ZNF525: variants seen among roughly 807,000 people sequenced by gnomAD.
ZNF525 encodes zinc finger protein 525.
In ZNF525, 33 loss-of-function variants were observed where a neutral mutation model predicts 37.6. That is an observed-to-expected ratio of 0.88 (90% CI 0.67 to 1.17). The LOEUF is 1.17. Ranked by LOEUF, ZNF525 falls within the 50% of genes most tolerant of loss-of-function variation. The pLI is 0.00. For synonymous variants in ZNF525, 170 were observed against 182.3 expected (o/e 0.93, Z 0.54); for missense variants, 449 against 543.1 (o/e 0.83, Z 1.72).
At chr19:53,369,416 C>G (rs55706282) in intron 1 of ZNF525, among the ~76,000 whole-genome samples, 1 of 143,848 alleles carries the variant, frequency 7.0e-6, no homozygotes, top group Non-Finnish European at 1.5e-5. Flanking sequence ...TTAGTAGAGA[C>G]GGGTTTCACC....
At chr19:53,375,041 A>ATTT (rs977598241) in intron 2 of ZNF525, among the ~76,000 whole-genome samples, 1 of 145,360 alleles carries the variant, frequency 6.9e-6, no homozygotes, top group Non-Finnish European at 1.5e-5. Flanking sequence ...TGCCCAGCTA[A>ATTT]TTTTTTTTTT....
chr19:53,371,627 C>T (rs1489508097), intron 1 of ZNF525, among the ~76,000 whole-genome samples: 1 of 152,108 alleles, frequency 6.6e-6, no homozygotes, highest in East Asian at 1.9e-4. Flanking sequence ...CCTTGGCCTT[C>T]CAGAGTGCTA....
chr19:53,369,374 C>T (rs2085469253), intron 1 of ZNF525, among the ~76,000 whole-genome samples: 2 of 151,902 alleles, frequency 1.3e-5, no homozygotes, highest in Non-Finnish European at 2.9e-5. Context: ...TCTCAGGCAC[C>T]CACCACCATG....
Position 53,383,456 on chromosome 19 carries a change from G to A in ZNF525, c.*1437G>A. ...GCAAATCAAACCTCGAAAGACAGGA[G>A]AATTCATACTGGAGAGAAACCATAA... On this transcript the variant is annotated 3_prime_UTR_variant, in exon 4 of 4. Transcript: ENST00000474037. 3 of 1,015,260 alleles carry A rather than the reference G, an allele frequency of 3.0e-6. No individual in the cohort carries two copies. Among genetic ancestry groups the A allele is most frequent in the Non-Finnish European group, 2.9e-6 (2 of 679,132 alleles). 62.9% of individuals were successfully genotyped at this position (1,015,260 alleles called of 1,614,324 possible).
At chr19:53,366,613 G>C (rs2085447599) in intron 1 of ZNF525, among the ~76,000 whole-genome samples, 1 of 151,618 alleles carries the variant, frequency 6.6e-6, no homozygotes, top group African/African-American at 2.4e-5. Flanking sequence ...TAGATGTACA[G>C]AGAGATGAAG....
chr19:53,375,754 T>A lies in ZNF525; in HGVS notation c.16-16T>A, dbSNP rs200841885. 2,185 of 1,613,624 alleles carry A rather than the reference T, an allele frequency of 1.4e-3. 2 individuals carry two copies. The highest frequency in any genetic ancestry group is 1.8e-3 in the Non-Finnish European group (2,091 of 1,179,834). The stretch of plus-strand genomic sequence containing the variant: ...TCCTCCCATAACCATTTGGTTAAAA[T>A]GTGTTTTCATTTCAGGGTCTATTGA... On this transcript the variant is annotated splice_polypyrimidine_tract_variant and intron_variant, in intron 2 of 3. Transcript: ENST00000474037.
At chr19:53,380,279 T>G (rs1384279724) in intron 3 of ZNF525, among the ~76,000 whole-genome samples, 1 of 152,066 alleles carries the variant, frequency 6.6e-6, no homozygotes, top group Non-Finnish European at 1.5e-5. Context: ...TTTTCTTATC[T>G]TCTCAGTGCT....
Position 53,386,029 on chromosome 19 carries a change from G to T in ZNF525, c.*4010G>T. On this transcript the variant is annotated 3_prime_UTR_variant, in exon 4 of 4. Transcript: ENST00000474037. ...AAATTAGCTCAGCATGGTGGCATGC[G>T]CCTGTAATCCCAGCTACTCAGGAGG... 1 of 282,280 alleles carries T rather than the reference G, an allele frequency of 3.5e-6. No homozygotes were observed. The highest frequency in any genetic ancestry group is 3.6e-5 in the South Asian group (1 of 28,106). 17.5% of individuals were successfully genotyped at this position (282,280 alleles called of 1,614,324 possible).
chr19:53,381,848 A>G lies in ZNF525; in HGVS notation c.1269A>G (p.Lys423=), dbSNP rs1384603363. 1.9e-6 allele frequency: 2 copies of G among 1,052,292 alleles called. No individual in the cohort carries two copies. The highest frequency in any genetic ancestry group is 3.0e-6 in the Non-Finnish European group (2 of 666,576). 65.2% of individuals were successfully genotyped at this position (1,052,292 alleles called of 1,614,324 possible). ...AATGTGATGAAGCTTTCCGTTTCAA[A>G]TCAAGTCTTGAAAGACATAGGAGAA... ...CEECDEAFRF[K]SSLERHRRIH... is the part of the protein sequence containing the mutation. Residue 423 remains lysine, a synonymous_variant, in exon 4 of 4, where the codon AAA becomes AAG. Coordinates refer to ENST00000474037, the MANE Select transcript of ZNF525 (RefSeq NM_001348156.2).
chr19:53,370,805 G>A (rs1042570236), intron 1 of ZNF525, among the ~76,000 whole-genome samples: 11 of 151,778 alleles, frequency 7.2e-5, no homozygotes, highest in Non-Finnish European at 1.5e-4. Context: ...AGCAGGTCAC[G>A]TCAGTCCCTG....
rs892062864 is a variant in ZNF525 at position 53,385,018 on chromosome 19, A to T, written c.*2999A>T. ...GAATTTTGTGGAACGCTTTTTCTCC[A>T]TCTACTAAGGTGATGTGGTTTTAAT... On this transcript the variant is annotated 3_prime_UTR_variant, in exon 4 of 4. Coordinates refer to ENST00000474037, the MANE Select transcript of ZNF525 (RefSeq NM_001348156.2). 1 of 701,622 alleles carries T rather than the reference A, an allele frequency of 1.4e-6. No homozygotes were observed. The highest frequency in any genetic ancestry group is 2.6e-6 in the Non-Finnish European group (1 of 384,604). The allele number at this position is 701,622 out of a possible 1,614,324, so 43.5% of individuals were successfully genotyped here. A position where few individuals can be genotyped will look rare whatever the true frequency, so the allele number is the denominator to read the frequency against.
At position 53,382,868 on chromosome 19, in the gene ZNF525, C is replaced by A; in HGVS notation, c.*849C>A. 1 of 1,365,728 alleles carries A rather than the reference C, an allele frequency of 7.3e-7. No homozygotes were observed. Among genetic ancestry groups the A allele is most frequent in the Non-Finnish European group, 1.0e-6 (1 of 963,968 alleles). 84.6% of individuals were successfully genotyped at this position (1,365,728 alleles called of 1,614,324 possible). A position where few individuals can be genotyped will look rare whatever the true frequency, so the allele number is the denominator to read the frequency against. ...CAGATTCAAATCAAACCTTGAAAGT[C>A]ATAGGAGAATTCATACTAGAGAGAA... On this transcript the variant is annotated 3_prime_UTR_variant, in exon 4 of 4. Coordinates refer to ENST00000474037, the MANE Select transcript of ZNF525 (RefSeq NM_001348156.2).
intron 1 of ZNF525, among the ~76,000 whole-genome samples, chr19:53,366,635 AGG>A (rs1213097740): frequency 1.3e-5 from 2 of 151,520 alleles, no homozygotes; most frequent in Non-Finnish European, 2.9e-5. Flanking sequence ...ACAGCAAGGT[AGG>A]GAGAGGGACA....
At position 53,381,677 on chromosome 19, in the gene ZNF525, C is replaced by A; in HGVS notation, c.1098C>A (p.Phe366Leu). 1 of 1,124,662 alleles carries A rather than the reference C, an allele frequency of 8.9e-7. No homozygotes were observed. The highest frequency in any genetic ancestry group is 2.3e-5 in the East Asian group (1 of 42,734). The allele number at this position is 1,124,662 out of a possible 1,614,324, so 69.7% of individuals were successfully genotyped here. A position where few individuals can be genotyped will look rare whatever the true frequency, so the allele number is the denominator to read the frequency against. ...ECEECDKAFS[F>L]KSNLESHRIT... ...AAGAATGTGACAAAGCTTTCAGTTT[C>A]AAATCAAACCTTGAAAGTCATAGGA... Residue 366 changes from phenylalanine (F) to leucine (L), a missense_variant, in exon 4 of 4, where the codon TTC becomes TTA. By Grantham distance (22) the Phe-to-Leu change is conservative. Coordinates refer to ENST00000474037, the MANE Select transcript of ZNF525 (RefSeq NM_001348156.2).
rs777010094 is a variant in ZNF525, at chr19:53,382,069, G to A, written c.*50G>A. ...CATACTGGAGAGAAATGTTATAAGTGTAATGATTGTGGCAAGATCTTCAGT... is the reference window on the plus strand; with the variant it reads ...CATACTGGAGAGAAATGTTATAAGTATAATGATTGTGGCAAGATCTTCAGT... On this transcript the variant is annotated 3_prime_UTR_variant, in exon 4 of 4. Transcript: ENST00000474037. 17 of 1,437,892 alleles carry A rather than the reference G, an allele frequency of 1.2e-5. No individual in the cohort carries two copies. Among genetic ancestry groups the A allele is most frequent in the Non-Finnish European group, 9.7e-7 (1 of 1,032,458 alleles). The allele number at this position is 1,437,892 out of a possible 1,614,324, so 89.1% of individuals were successfully genotyped here.
At position 53,381,696 on chromosome 19, in the gene ZNF525, C is replaced by G; in HGVS notation, c.1117C>G (p.His373Asp). ...AFSFKSNLES[H>D]RITHTGEKPY... ...CAGTTTCAAATCAAACCTTGAAAGT[C>G]ATAGGATAACTCATACTGGAGAGAA... Residue 373 changes from histidine (H) to aspartate (D), a missense_variant, in exon 4 of 4, where the codon CAT (histidine) becomes GAT (aspartate). By Grantham distance (81) the His-to-Asp change is moderately conservative. Transcript: ENST00000474037. The G allele has an allele frequency of 9.1e-7, 1 of 1,100,594 alleles. No homozygotes were observed. The highest frequency in any genetic ancestry group is 2.3e-5 in the East Asian group (1 of 42,634). 68.2% of individuals were successfully genotyped at this position (1,100,594 alleles called of 1,614,324 possible).
chr19:53,382,423 C>T lies in ZNF525; in HGVS notation c.*404C>T, dbSNP rs986427213. ...TACAAGTGTAATGAGTGTGGCAAGA[C>T]CTTCAGTCAGAAGTCATGCCTTACA... is the stretch of plus-strand genomic sequence containing the variant. On this transcript the variant is annotated 3_prime_UTR_variant, in exon 4 of 4. Transcript: ENST00000474037. 1.2e-4 allele frequency: 103 copies of T among 876,390 alleles called. No individual in the cohort carries two copies. Among genetic ancestry groups the T allele is most frequent in the Admixed American group, 6.1e-4 (35 of 57,210 alleles). The allele number at this position is 876,390 out of a possible 1,614,324, so 54.3% of individuals were successfully genotyped here. A position where few individuals can be genotyped will look rare whatever the true frequency, so the allele number is the denominator to read the frequency against.
In ZNF525 at chr19:53,383,637, T is replaced by A; in HGVS notation, c.*1618T>A. ...ATTCACCATCAGGCAATCCGTAGTGTAGGGAAACTTGACTAACGTAATGAT... is the reference window on the plus strand; with the variant it reads ...ATTCACCATCAGGCAATCCGTAGTGAAGGGAAACTTGACTAACGTAATGAT... On this transcript the variant is annotated 3_prime_UTR_variant, in exon 4 of 4. Transcript: ENST00000474037. The A allele has an allele frequency of 1.7e-6, 2 of 1,155,448 alleles. No individual in the cohort carries two copies. The highest frequency in any genetic ancestry group is 2.4e-6 in the Non-Finnish European group (2 of 823,808). 71.6% of individuals were successfully genotyped at this position (1,155,448 alleles called of 1,614,324 possible).
chr19:53,374,388 A>C (rs1307632810), intron 2 of ZNF525, among the ~76,000 whole-genome samples: 1 of 152,216 alleles, frequency 6.6e-6, no homozygotes, highest in Non-Finnish European at 1.5e-5. Flanking sequence ...TAGCTGAATG[A>C]CAACATGTGG....
Sources: gnomAD v4.1 joint callset for allele counts (sites outside exome capture counted in the v4.1 genomes callset) on GRCh38, gnomAD v4.1.1 for gene constraint, MANE v1.5 for transcripts, NCBI Gene and HGNC (gene_info 2026-07-23, HGNC 2026-07-21) for gene names.